ACVR2A: variants seen among roughly 807,000 people sequenced by gnomAD.
ACVR2A encodes the protein activin A receptor type 2A.
In ACVR2A, 7 loss-of-function variants were observed where a neutral mutation model predicts 61.4. That is an observed-to-expected ratio of 0.11 (90% CI 0.06 to 0.21). The LOEUF is 0.21. ACVR2A is among the 10% of genes least tolerant of loss of function. ACVR2A has a pLI of 1.00. For missense variants in ACVR2A, 322 were observed against 621.7 expected, an observed-to-expected ratio of 0.52 and a Z score of 5.13; for synonymous variants, 193 against 208.3, an observed-to-expected ratio of 0.93 and a Z score of 0.63.
intron 2 of ACVR2A, among the ~76,000 whole-genome samples, chr2:147,897,785 A>T (rs1172288802): frequency 6.6e-6 from 1 of 152,196 alleles, no homozygotes; most frequent in Admixed American, 6.5e-5. Flanking sequence ...TTTAGAATGT[A>T]CTTCTAAGTA....
At chr2:147,859,237 C>T (rs1685663858) in intron 1 of ACVR2A, among the ~76,000 whole-genome samples, 1 of 152,008 alleles carries the variant, frequency 6.6e-6, no homozygotes, top group Non-Finnish European at 1.5e-5. Flanking sequence ...CATATTCTCC[C>T]CAGCACTCTC....
At chr2:147,878,101 CAT>C (rs1225600264) in intron 1 of ACVR2A, among the ~76,000 whole-genome samples, 1 of 152,016 alleles carries the variant, frequency 6.6e-6, no homozygotes, top group African/African-American at 2.4e-5. Context: ...TGGTAATTAA[CAT>C]AGGACAGAAC....
At chr2:147,887,671 A>T in intron 1 of ACVR2A, among the ~76,000 whole-genome samples, 1 of 152,144 alleles carries the variant, frequency 6.6e-6, no homozygotes, top group Non-Finnish European at 1.5e-5. Context: ...ATGTTGTGGG[A>T]TGGCTAAATC....
chr2:147,899,428 T>A, intron 2 of ACVR2A, 30 bp from the exon 3 acceptor site: 1 of 1,497,932 alleles, frequency 6.7e-7, no homozygotes, highest in Non-Finnish European at 9.2e-7. Flanking sequence ...TAATATTGAT[T>A]TTAATTATTT....
chr2:147,895,931 C>T (rs1169438472), intron 1 of ACVR2A, among the ~76,000 whole-genome samples: 1 of 152,084 alleles, frequency 6.6e-6, no homozygotes, highest in Non-Finnish European at 1.5e-5. Context: ...TAGGGGTCAA[C>T]TGTAGTCACT....
intron 5 of ACVR2A, 30 bp from the exon 6 acceptor site, chr2:147,917,253 G>A: frequency 1.2e-6 from 2 of 1,604,816 alleles, no homozygotes; most frequent in Non-Finnish European, 1.7e-6. Flanking sequence ...TATTCCTTGT[G>A]TTCTTACTAT....
intron 4 of ACVR2A, among the ~76,000 whole-genome samples, chr2:147,906,154 T>C (rs1349386560): frequency 6.6e-6 from 1 of 152,190 alleles, no homozygotes; most frequent in Non-Finnish European, 1.5e-5. Context: ...CCTTGTTCTT[T>C]CATTCCTAGT....
At chr2:147,849,126 A>G (rs1024373268) in intron 1 of ACVR2A, among the ~76,000 whole-genome samples, 6 of 152,172 alleles carry the variant, frequency 3.9e-5, no homozygotes, top group Non-Finnish European at 5.9e-5. Context: ...TGACTTATGG[A>G]TAAACTCTCC....
chr2:147,866,989 A>G (rs933485313), intron 1 of ACVR2A, among the ~76,000 whole-genome samples: 3 of 152,164 alleles, frequency 2.0e-5, no homozygotes, highest in African/African-American at 7.2e-5. Flanking sequence ...AAGAGCTTGT[A>G]GAGAAGATCA....
chr2:147,862,119 T>C (rs1685740638), intron 1 of ACVR2A, among the ~76,000 whole-genome samples: 1 of 152,182 alleles, frequency 6.6e-6, no homozygotes, highest in Non-Finnish European at 1.5e-5. Flanking sequence ...AGAGTCCCCT[T>C]CCACTGTCTC....
At chr2:147,874,135 T>C (rs1396428492) in intron 1 of ACVR2A, among the ~76,000 whole-genome samples, 3 of 151,878 alleles carry the variant, frequency 2.0e-5, no homozygotes, top group Non-Finnish European at 4.4e-5. Context: ...TGAAATAAGA[T>C]AGGACCTAGT....
intron 1 of ACVR2A, among the ~76,000 whole-genome samples, chr2:147,862,341 T>C (rs1685745997): frequency 6.6e-6 from 1 of 152,006 alleles, no homozygotes; most frequent in Non-Finnish European, 1.5e-5. Flanking sequence ...TAACTATAAA[T>C]CCACATGTTA....
At chr2:147,891,309 T>C (rs1057483075) in intron 1 of ACVR2A, among the ~76,000 whole-genome samples, 1 of 152,110 alleles carries the variant, frequency 6.6e-6, no homozygotes, top group Non-Finnish European at 1.5e-5. Context: ...CTTTTGGAAA[T>C]TGGAAATAGT....
In ACVR2A at chr2:147,923,119, A is replaced by G; in HGVS notation, c.1216+8A>G. The G allele has an allele frequency of 6.2e-7, 1 of 1,600,404 alleles. No individual in the cohort carries two copies. The highest frequency in any genetic ancestry group is 8.5e-7 in the Non-Finnish European group (1 of 1,175,392). On this transcript the variant is annotated splice_region_variant and intron_variant, in intron 9 of 10. Transcript: ENST00000241416. ...GCTGTACTGCTGCAGATGGTAAGGG[A>G]AAAAAATATTTTTAAAAAAGATATA...
At chr2:147,896,535 T>C in intron 2 of ACVR2A, 27 bp downstream of exon 2, 2 of 1,599,986 alleles carry the variant, frequency 1.3e-6, no homozygotes, top group East Asian at 4.5e-5. Flanking sequence ...GATTTTATGG[T>C]AGTATTGAGT....
chr2:147,874,588 CACGTTAG>C (rs1215855160), intron 1 of ACVR2A, among the ~76,000 whole-genome samples: 2 of 151,878 alleles, frequency 1.3e-5, no homozygotes, highest in Non-Finnish European at 2.9e-5. Context: ...TCTTGAGCTG[CACGTTAG>C]GGCTGCTCAG....
chr2:147,898,406 A>G (rs890043590), intron 2 of ACVR2A: 2 of 152,148 alleles, frequency 1.3e-5, no homozygotes, highest in African/African-American at 4.8e-5. Context: ...ATGATTTTAA[A>G]TATGTTTTTA....
chr2:147,924,072 A>G (rs911348518), intron 9 of ACVR2A, among the ~76,000 whole-genome samples: 58 of 152,090 alleles, frequency 3.8e-4, no homozygotes, highest in South Asian at 2.1e-4. Flanking sequence ...TTGGGAGTCA[A>G]TGCCAAACCT....
intron 1 of ACVR2A, among the ~76,000 whole-genome samples, chr2:147,852,760 A>G (rs1476930488): frequency 6.6e-6 from 1 of 152,054 alleles, no homozygotes; most frequent in Non-Finnish European, 1.5e-5. Flanking sequence ...TTAGACGGAG[A>G]TTAGGAAGGA....
Sources: allele counts gnomAD v4.1 joint callset (sites outside exome capture counted in the v4.1 genomes callset), GRCh38; gene constraint gnomAD v4.1.1; transcripts MANE v1.5; gene names NCBI Gene and HGNC (gene_info 2026-07-23, HGNC 2026-07-21).